The following SYT7 variants were observed in gnomAD, a reference collection of about 807,000 sequenced individuals.
SYT7 encodes the protein synaptotagmin-7.
SYT7 carries 29 observed loss-of-function variants against 75.1 expected under a neutral mutation model. The ratio of observed to expected loss-of-function variants is 0.39; its 90% CI spans 0.29 to 0.53. The LOEUF (loss-of-function observed/expected upper bound fraction) is 0.53, where lower values mean the gene tolerates loss of function less well. SYT7 is among the 20% of genes least tolerant of loss of function. SYT7 has a pLI of 0.77. For synonymous variants in SYT7, 376 were observed against 401.7 expected, an observed-to-expected ratio of 0.94 and a Z score of 0.76; for missense variants, 693 against 953.2, an observed-to-expected ratio of 0.73 and a Z score of 3.59.
intron 1 of SYT7, among the ~76,000 whole-genome samples, chr11:61,563,787 G>C (rs953955070): frequency 2.6e-5 from 4 of 152,122 alleles, no homozygotes; most frequent in African/African-American, 9.7e-5. Context: ...TGCCTCCCTA[G>C]TAACTATGAC....
chr11:61,559,696 C>T (rs1413172420), intron 1 of SYT7, among the ~76,000 whole-genome samples: 1 of 152,078 alleles, frequency 6.6e-6, no homozygotes, highest in African/African-American at 2.4e-5. Context: ...CTTCCTGGAG[C>T]TCCCTCCTTT....
In SYT7 at chr11:61,553,484, G is replaced by A. The variant is rs1266134964; in HGVS notation, c.136-2021C>T. The stretch of plus-strand genomic sequence containing the variant: ...AGGAAGGGCACGGTCAGCCCTTTCC[G>A]AGCAGCGCCCCCACAGACATCCTGG... On this transcript the variant is annotated intron_variant, in intron 2 of 12. Transcript: ENST00000539008. This position sits in a 1 kb window ranked among gnomAD's most constrained non-coding sequence, Gnocchi z 5.2. Among the ~76,000 whole-genome samples the A allele has an allele frequency of 6.6e-6, 1 of 152,172 alleles. No homozygotes were observed. The highest frequency in any genetic ancestry group is 2.4e-5 in the African/African-American group (1 of 41,432).
chr11:61,533,106 C>T lies in SYT7; in HGVS notation c.1083G>A (p.Lys361=), dbSNP rs577186690. ...CTGGCACGGGGGCTGTGTTCACCGC[C>T]TTCCCTCCTGCAGGCAACCTGAGGG... ...QGDKRLPAGG[K]AVNTAPVPGQ... is the part of the protein sequence containing the mutation. Residue 361 remains lysine, a synonymous_variant, in exon 8 of 13, where the codon AAG becomes AAA. Transcript: ENST00000539008. 2.5e-6 allele frequency: 4 copies of T among 1,603,134 alleles called. No individual in the cohort carries two copies. Among genetic ancestry groups the T allele is most frequent in the Non-Finnish European group, 3.4e-6 (4 of 1,174,684 alleles).
At chr11:61,587,486 G>A in the SYT7 span, among the ~76,000 whole-genome samples, 274 of 152,348 alleles carry the variant, frequency 1.8e-3, no homozygotes, top group African/African-American at 6.4e-3. Context: ...CAGGGTTCAG[G>A]CCTTGGTGTG....
At chr11:61,561,231 G>A (rs964182487) in intron 1 of SYT7, among the ~76,000 whole-genome samples, 3 of 152,182 alleles carry the variant, frequency 2.0e-5, no homozygotes, top group Non-Finnish European at 1.5e-5. Context: ...AGGTCCCGGC[G>A]GGTAAGGCAC....
At chr11:61,563,137 G>A (rs1184474698) in intron 1 of SYT7, among the ~76,000 whole-genome samples, 1 of 152,150 alleles carries the variant, frequency 6.6e-6, no homozygotes, top group Non-Finnish European at 1.5e-5. Context: ...ATGAGTTCTA[G>A]GCATTCACGC....
intron 1 of SYT7, among the ~76,000 whole-genome samples, chr11:61,567,224 G>T (rs1173903861): frequency 6.6e-6 from 1 of 152,134 alleles, no homozygotes; most frequent in Non-Finnish European, 1.5e-5. Flanking sequence ...TCAACTCTCT[G>T]GTCCTAAGCC....
intron 1 of SYT7, among the ~76,000 whole-genome samples, chr11:61,579,810 G>A (rs971040000): frequency 2.6e-5 from 4 of 152,218 alleles, no homozygotes; most frequent in African/African-American, 9.6e-5. Context: ...TAGCATCAGA[G>A]AGAAGCCCAG....
At chr11:61,530,957 CT>C in intron 8 of SYT7, 1 of 985,438 alleles carries the variant, frequency 1.0e-6, no homozygotes, top group Non-Finnish European at 1.2e-6. Flanking sequence ...CAAGCCACCC[CT>C]ATACCAGGGC....
rs1250813564 is a variant in SYT7, at chr11:61,576,575, C to G, written c.31+4215G>C. Among the ~76,000 whole-genome samples, 1 of 152,226 alleles carries G rather than the reference C, an allele frequency of 6.6e-6. No individual in the cohort carries two copies. The highest frequency in any genetic ancestry group is 6.5e-5 in the Admixed American group (1 of 15,292). On this transcript the variant is annotated intron_variant, in intron 1 of 12. Coordinates refer to ENST00000539008, the MANE Select transcript of SYT7 (RefSeq NM_001365809.2). The surrounding 1 kb of genome is among the most constrained non-coding windows in gnomAD (Gnocchi z 4.1). ...CTCCGGACTGGGCCTCCCGCCCCCA[C>G]GTGACCCCTCCCAGCTCTTCTCCCT... is the stretch of plus-strand genomic sequence containing the variant.
intron 1 of SYT7, among the ~76,000 whole-genome samples, chr11:61,569,274 G>T (rs555653745): frequency 6.6e-6 from 1 of 152,308 alleles, no homozygotes; most frequent in East Asian, 1.9e-4. Context: ...AGGGCAGGGG[G>T]GTTGTGGAGG....
In SYT7 at chr11:61,538,152, C is replaced by G. The variant is rs530892011; in HGVS notation, c.1056G>C (p.Gly352=). ...CTCGCCTGTGCTCGTACCTCTTGTC[C>G]CCCTGAGCGTTCTGGTTCTGCTGGG... ...PGTQQNQNAQ[G]DKRLPAGGKA... is the part of the protein sequence containing the mutation. Residue 352 remains glycine (G), a synonymous_variant, in exon 7 of 13, where the codon GGG becomes GGC. Coordinates refer to ENST00000539008, the MANE Select transcript of SYT7 (RefSeq NM_001365809.2). 3.3e-6 allele frequency: 5 copies of G among 1,536,024 alleles called. 1 individual carries two copies. In the South Asian group the frequency reaches 5.9e-5, roughly 18 times the overall value.
In SYT7 at chr11:61,533,135, G is replaced by A; in HGVS notation, c.1065-11C>T. ...CCTCCTGCAGGCAACCTGAGGGCAG[G>A]GGAGTCCAAATGAGATTGGGCTGGG... On this transcript the variant is annotated splice_polypyrimidine_tract_variant and intron_variant, in intron 7 of 12. Transcript: ENST00000539008. 3.2e-6 allele frequency: 5 copies of A among 1,579,332 alleles called. No individual in the cohort carries two copies. In the South Asian group the frequency reaches 4.6e-5, roughly 15 times the overall value.
chr11:61,546,622 A>C lies in SYT7; in HGVS notation c.348-367T>G. 2.1e-6 allele frequency: 1 copy of C among 475,306 alleles called. No homozygotes were observed. The highest frequency in any genetic ancestry group is 4.2e-6 in the Non-Finnish European group (1 of 240,086). 29.4% of individuals were successfully genotyped at this position (475,306 alleles called of 1,614,324 possible). A position where few individuals can be genotyped will look rare whatever the true frequency, so the allele number is the denominator to read the frequency against. On this transcript the variant is annotated intron_variant, in intron 4 of 12. Transcript: ENST00000539008. This position sits in a 1 kb window ranked among gnomAD's most constrained non-coding sequence, Gnocchi z 7.6. ...GGGCAGCCACCTCCAACTCTATCCC[A>C]CAGGACAACGAAGGGTTAACGACGG... is the stretch of plus-strand genomic sequence containing the variant.
At chr11:61,581,237 C>A (rs1362045302), upstream of SYT7, 1 of 146,696 alleles carries the variant, frequency 6.8e-6, no homozygotes, top group African/African-American at 2.5e-5. Context: ...GCACTGCACC[C>A]GCGCCCGCCG....
intron 3 of SYT7, among the ~76,000 whole-genome samples, chr11:61,548,839 G>A (rs2063265935): frequency 6.6e-6 from 1 of 152,222 alleles, no homozygotes; most frequent in Admixed American, 6.5e-5. Context: ...GTGGCGTTGG[G>A]CATCCCTGCT....
chr11:61,583,938 G>T (rs1354751281), upstream of SYT7, among the ~76,000 whole-genome samples: 1 of 152,162 alleles, frequency 6.6e-6, no homozygotes, highest in Non-Finnish European at 1.5e-5. Context: ...AAAGAGGAAA[G>T]AATACAGATT....
At position 61,517,064 on chromosome 11, in the gene SYT7, G is replaced by T. The variant is rs112630956; in HGVS notation, c.*1563C>A. 8.4e-3 allele frequency: 3,281 copies of T among 392,136 alleles called. 25 individuals are homozygous for T. The highest frequency in any genetic ancestry group is 0.019 in the African/African-American group (925 of 48,602). The allele number at this position is 392,136 out of a possible 1,614,324, so 24.3% of individuals were successfully genotyped here. ...CACAGGCCCATCCAGAGTGGAACTG[G>T]GGGCTAAGACCACGGCCACAGACTG... On this transcript the variant is annotated 3_prime_UTR_variant, in exon 13 of 13. Coordinates refer to ENST00000539008, the MANE Select transcript of SYT7 (RefSeq NM_001365809.2).
chr11:61,517,824 G>C lies in SYT7; in HGVS notation c.*803C>G, dbSNP rs1407255631. On this transcript the variant is annotated 3_prime_UTR_variant, in exon 13 of 13. Transcript: ENST00000539008. Reference sequence around the variant, plus strand: ...GAACTACTTCAGATTCTGAGCAGAGGGGGGCACCAAGGGGAGAAGGGGAGG... The same window carrying C: ...GAACTACTTCAGATTCTGAGCAGAGCGGGGCACCAAGGGGAGAAGGGGAGG... The C allele has an allele frequency of 2.8e-6, 1 of 356,868 alleles. No homozygotes were observed. Among genetic ancestry groups the C allele is most frequent in the African/African-American group, 2.1e-5 (1 of 47,470 alleles). The allele number at this position is 356,868 out of a possible 1,614,324, so 22.1% of individuals were successfully genotyped here.
Sources: allele counts gnomAD v4.1 joint callset (sites outside exome capture counted in the v4.1 genomes callset), GRCh38; gene constraint gnomAD v4.1.1; non-coding constraint Gnocchi (gnomAD v3.1); transcripts MANE v1.5; gene names NCBI Gene and HGNC (gene_info 2026-07-23, HGNC 2026-07-21).